The following DENND4C variants were observed in gnomAD, a reference collection of about 807,000 sequenced individuals.
DENND4C encodes the protein DENN domain containing 4C.
Under a neutral mutation model 203.0 loss-of-function variants are expected in DENND4C, and 108 were observed. The observed-to-expected ratio is 0.53, with a 90% CI of 0.46 to 0.62. The LOEUF (loss-of-function observed/expected upper bound fraction) is 0.62. Among genes scored for constraint, DENND4C ranks in the 20% least tolerant of loss-of-function variants. The probability of loss-of-function intolerance (pLI) is 0.00; values close to 1 mark genes in which losing one functional copy is unlikely to be tolerated. For synonymous variants in DENND4C, 871 were observed against 792.4 expected (o/e 1.10, Z -1.67); for missense variants, 2,481 against 2,301.2 (o/e 1.08, Z -1.60).
chr9:19,256,927 G>C (rs1254678800), intron 1 of DENND4C, among the ~76,000 whole-genome samples: 2 of 151,958 alleles, frequency 1.3e-5, no homozygotes, highest in Admixed American at 6.6e-5. Flanking sequence ...AAAATTAGCC[G>C]GGCGTGGTGG....
At chr9:19,333,764 A>T (rs1213457422) in intron 17 of DENND4C, among the ~76,000 whole-genome samples, 5 of 152,216 alleles carry the variant, frequency 3.3e-5, no homozygotes, top group Non-Finnish European at 7.3e-5. Flanking sequence ...AAACTGAGGC[A>T]CTTATTTAGC....
intron 2 of DENND4C, among the ~76,000 whole-genome samples, chr9:19,277,257 ATTAAC>A (rs1833064170): frequency 6.6e-6 from 1 of 152,198 alleles, no homozygotes; most frequent in Admixed American, 6.5e-5. Context: ...TAGAGATTAC[ATTAAC>A]TTTAGATTAA....
At chr9:19,284,676 G>A (rs960217219) in intron 2 of DENND4C, among the ~76,000 whole-genome samples, 1 of 151,944 alleles carries the variant, frequency 6.6e-6, no homozygotes, top group Non-Finnish European at 1.5e-5. Flanking sequence ...TAATTTCATT[G>A]AGGTTAATCA....
chr9:19,300,122 G>A, intron 8 of DENND4C, 65 bp from the exon 9 acceptor site: 1 of 1,450,266 alleles, frequency 6.9e-7, no homozygotes, highest in East Asian at 2.4e-5. Context: ...ACTTTAATAA[G>A]CAAATCTTAA....
chr9:19,325,890 A>T, intron 13 of DENND4C, 49 bp from the exon 14 acceptor site: 1 of 1,542,558 alleles, frequency 6.5e-7, no homozygotes, highest in Non-Finnish European at 8.8e-7. Context: ...AATGTCTATT[A>T]AATTCATAGT....
At chr9:19,320,843 G>T (rs1842762117) in intron 12 of DENND4C, among the ~76,000 whole-genome samples, 1 of 152,146 alleles carries the variant, frequency 6.6e-6, no homozygotes, top group Non-Finnish European at 1.5e-5. Flanking sequence ...ATCATTGCCT[G>T]GATCCACTAG....
At chr9:19,236,733 T>G (rs1822060191) in intron 1 of DENND4C, among the ~76,000 whole-genome samples, 1 of 152,152 alleles carries the variant, frequency 6.6e-6, no homozygotes, top group Non-Finnish European at 1.5e-5. Flanking sequence ...ATACAAACAT[T>G]TCCTGTGGCC....
In DENND4C at chr9:19,346,073, G is replaced by C. The variant is rs1246053334; in HGVS notation, c.3304G>C (p.Ala1102Pro). Residue 1102 changes from alanine to proline, a missense_variant, in exon 23 of 33, where the codon GCA becomes CCA. Ala to Pro is a conservative substitution (Grantham distance 27, BLOSUM62 -1). Around this residue, in one of 3 missense-constraint regions of DENND4C, gnomAD observed 2,289 missense variants for 2,113.3 expected, o/e 1.08. Transcript: ENST00000434457. Reference sequence around the variant, plus strand: ...TTGTAGTTTTAGTTCTGAAAGTCGAGCAGGAATGTTGCTTAAGAAGAGTAG... The same window carrying C: ...TTGTAGTTTTAGTTCTGAAAGTCGACCAGGAATGTTGCTTAAGAAGAGTAG... ...RSCSFSSESR[A>P]GMLLKKSSLD... 1.2e-6 allele frequency: 2 copies of C among 1,614,178 alleles called. No individual in the cohort carries two copies. The highest frequency in any genetic ancestry group is 1.7e-6 in the Non-Finnish European group (2 of 1,180,046).
chr9:19,344,336 C>A (rs1488622987), intron 22 of DENND4C, among the ~76,000 whole-genome samples: 1 of 152,172 alleles, frequency 6.6e-6, no homozygotes, highest in South Asian at 2.1e-4. Context: ...TTATAAACAA[C>A]AGAAATTTAT....
rs1022578365 is a variant in DENND4C, at chr9:19,359,382, ATTTATC to A, written c.5161-856_5161-851del. 5.9e-5 allele frequency among the ~76,000 whole-genome samples: 9 copies of A among 151,780 alleles called. No homozygotes were observed. In the South Asian group the frequency reaches 6.2e-4, roughly 11 times the overall value. Reference sequence around the variant, plus strand: ...AGGCACACACTACCATGCCTTAAACATTTATCTTTATATCTATTGCTGTTTTTATCG... The same window carrying A: ...AGGCACACACTACCATGCCTTAAACATTTATATCTATTGCTGTTTTTATCG... On this transcript the variant is annotated intron_variant, in intron 28 of 32. Coordinates refer to ENST00000434457, the MANE Select transcript of DENND4C (RefSeq NM_001330640.2).
intron 6 of DENND4C, among the ~76,000 whole-genome samples, chr9:19,296,613 A>T (rs1409541262): frequency 1.3e-5 from 2 of 152,082 alleles, no homozygotes; most frequent in Non-Finnish European, 2.9e-5. Context: ...TCAGCCTCCC[A>T]AAGTGCTGGG....
chr9:19,249,171 T>A (rs186859378), intron 1 of DENND4C, among the ~76,000 whole-genome samples: 148 of 152,286 alleles, frequency 9.7e-4, no homozygotes, highest in Admixed American at 9.7e-3. Flanking sequence ...GACAAGTATT[T>A]GGTATTTTCA....
intron 9 of DENND4C, among the ~76,000 whole-genome samples, chr9:19,304,127 G>GT (rs140760363): frequency 0.53 from 77,808 of 146,816 alleles, 21,022 homozygotes; most frequent in South Asian, 0.6. Context: ...CTTGAGGAAT[G>GT]TTTTTTTCTC....
chr9:19,256,866 C>G (rs151235686), intron 1 of DENND4C, among the ~76,000 whole-genome samples: 1 of 151,682 alleles, frequency 6.6e-6, no homozygotes, highest in Non-Finnish European at 1.5e-5. Context: ...GTCTGGAGAT[C>G]GAGACCATCC....
At chr9:19,360,136 A>C (rs2132202201) in intron 28 of DENND4C, 108 bp from the exon 29 acceptor site, 1 of 1,194,408 alleles carries the variant, frequency 8.4e-7, no homozygotes, top group Non-Finnish European at 1.2e-6. Context: ...CAATGGTCCT[A>C]AAATAACTGA....
intron 29 of DENND4C, among the ~76,000 whole-genome samples, chr9:19,361,226 G>A (rs1826426440): frequency 6.6e-6 from 1 of 152,102 alleles, no homozygotes; most frequent in Non-Finnish European, 1.5e-5. Context: ...TTATTTGAAA[G>A]GACCCATATT....
chr9:19,360,006 A>T (rs762178930), intron 28 of DENND4C, among the ~76,000 whole-genome samples: 6 of 152,184 alleles, frequency 3.9e-5, no homozygotes, highest in Non-Finnish European at 5.9e-5. Flanking sequence ...TCTCAGTGTG[A>T]TAGAGAACAT....
intron 10 of DENND4C, among the ~76,000 whole-genome samples, chr9:19,309,817 T>G (rs1241841840): frequency 6.6e-6 from 1 of 152,128 alleles, no homozygotes; most frequent in Non-Finnish European, 1.5e-5. Context: ...GTATACATCA[T>G]GGAATGTTTA....
intron 2 of DENND4C, among the ~76,000 whole-genome samples, chr9:19,286,291 G>C (rs1427299321): frequency 3.9e-5 from 6 of 151,998 alleles, no homozygotes; most frequent in Admixed American, 1.3e-4. Context: ...TTGTCCATAA[G>C]CATGAGATGT....
Sources: allele counts gnomAD v4.1 joint callset (sites outside exome capture counted in the v4.1 genomes callset), GRCh38; gene constraint gnomAD v4.1.1; regional missense constraint gnomAD v4.1.1; transcripts MANE v1.5; gene names NCBI Gene and HGNC (gene_info 2026-07-23, HGNC 2026-07-21).